The following HNRNPC variants were observed in gnomAD, a reference collection of about 807,000 sequenced individuals.
HNRNPC encodes heterogeneous nuclear ribonucleoprotein C.
HNRNPC carries 3 observed loss-of-function variants against 33.2 expected under a neutral mutation model. The observed-to-expected ratio is 0.09, with a 90% confidence interval of 0.04 to 0.23. HNRNPC has a LOEUF of 0.23. HNRNPC is among the 10% of genes least tolerant of loss of function. HNRNPC has a pLI of 1.00. For missense variants in HNRNPC, 143 were observed against 366.7 expected, an observed-to-expected ratio of 0.39 and a Z score of 4.98; for synonymous variants, 121 against 126.7, an observed-to-expected ratio of 0.96 and a Z score of 0.30.
intron 3 of HNRNPC, among the ~76,000 whole-genome samples, chr14:21,232,017 G>T (rs773927119): frequency 2.0e-5 from 3 of 152,018 alleles, no homozygotes; most frequent in Non-Finnish European, 4.4e-5. Context: ...CTGGGTTAAC[G>T]ACTGCTTTCT....
intron 2 of HNRNPC, among the ~76,000 whole-genome samples, chr14:21,249,926 AC>A: frequency 6.6e-6 from 1 of 152,260 alleles, no homozygotes; most frequent in East Asian, 1.9e-4. Flanking sequence ...TTTCAAAATG[AC>A]TTCAGTAAGG....
At chr14:21,212,839 C>T in intron 6 of HNRNPC, 121 bp downstream of exon 6, 1 of 1,289,250 alleles carries the variant, frequency 7.8e-7, no homozygotes, top group Non-Finnish European at 1.1e-6. Flanking sequence ...CACCACACAC[C>T]CAGCCTCTTC....
chr14:21,259,006 T>C (rs1452868315), intron 2 of HNRNPC, among the ~76,000 whole-genome samples: 2 of 152,194 alleles, frequency 1.3e-5, no homozygotes, highest in African/African-American at 2.4e-5. Context: ...AATCCTTCAA[T>C]AGATTCTACT....
chr14:21,257,564 A>G (rs570066792), intron 2 of HNRNPC, among the ~76,000 whole-genome samples: 66 of 152,138 alleles, frequency 4.3e-4, no homozygotes, highest in Non-Finnish European at 8.5e-4. Flanking sequence ...AGTCTTAGAA[A>G]AAAAAAAAAG....
At chr14:21,225,818 C>T (rs1893355668) in intron 5 of HNRNPC, among the ~76,000 whole-genome samples, 1 of 152,126 alleles carries the variant, frequency 6.6e-6, no homozygotes, top group African/African-American at 2.4e-5. Context: ...TCTGCAATAT[C>T]ACCATTATCT....
chr14:21,225,412 A>G (rs1347225104), intron 5 of HNRNPC, among the ~76,000 whole-genome samples: 1 of 151,678 alleles, frequency 6.6e-6, no homozygotes, highest in East Asian at 1.9e-4. Flanking sequence ...AGCCTGGGCA[A>G]TAGAGCAAGA....
rs71112560 is a variant in HNRNPC, at chr14:21,245,084, CAAAAAA to C, written c.-36-10861_-36-10856del. Among the ~76,000 whole-genome samples, 452 of 54,592 alleles carry C rather than the reference CAAAAAA, an allele frequency of 8.3e-3. 2 individuals carry two copies. Among genetic ancestry groups the C allele is most frequent in the African/African-American group, 8.0e-3 (124 of 15,534 alleles). The allele number at this position is 54,592 out of a possible 152,430, so 35.8% of individuals were successfully genotyped here. A position where few individuals can be genotyped will look rare whatever the true frequency, so the allele number is the denominator to read the frequency against. On this transcript the variant is annotated intron_variant, in intron 2 of 8. Transcript: ENST00000553300. ...TGGGAGACAGAGCGAGACTCCATCT[CAAAAAA>C]AAAAAAAAAAAAAAAAGCAAAAGAG...
chr14:21,220,480 C>T (rs569616410), intron 5 of HNRNPC, among the ~76,000 whole-genome samples: 37 of 152,280 alleles, frequency 2.4e-4, no homozygotes, highest in African/African-American at 8.4e-4. Context: ...CCGCTCGCCT[C>T]GGCCTCCCAA....
chr14:21,259,270 T>G (rs529903173), intron 2 of HNRNPC, among the ~76,000 whole-genome samples: 32 of 152,076 alleles, frequency 2.1e-4, no homozygotes, highest in Non-Finnish European at 4.3e-4. Flanking sequence ...ATCCCCCAAA[T>G]TCCATGTTCT....
chr14:21,248,254 C>T (rs775407027), intron 2 of HNRNPC, among the ~76,000 whole-genome samples: 5 of 152,106 alleles, frequency 3.3e-5, no homozygotes, highest in African/African-American at 4.8e-5. Flanking sequence ...CCATGTTGCC[C>T]AAACTGCTCT....
chr14:21,248,738 C>T (rs745744841), intron 2 of HNRNPC, among the ~76,000 whole-genome samples: 1 of 152,228 alleles, frequency 6.6e-6, no homozygotes, highest in Admixed American at 6.5e-5. Context: ...ACAGTGTCTA[C>T]TGCAAGCAAT....
intron 5 of HNRNPC, among the ~76,000 whole-genome samples, chr14:21,230,084 ATT>A (rs1020833022): frequency 6.6e-6 from 1 of 152,144 alleles, no homozygotes; most frequent in African/African-American, 2.4e-5. Flanking sequence ...ATTTTTTTGT[ATT>A]TTTAGTAGAA....
chr14:21,248,171 T>C (rs1438276132), intron 2 of HNRNPC, among the ~76,000 whole-genome samples: 1 of 152,056 alleles, frequency 6.6e-6, no homozygotes, highest in Non-Finnish European at 1.5e-5. Context: ...AGCAAGACCT[T>C]ATCTCCACCA....
At chr14:21,244,442 G>A (rs1895719645) in intron 2 of HNRNPC, among the ~76,000 whole-genome samples, 1 of 152,076 alleles carries the variant, frequency 6.6e-6, no homozygotes, top group Admixed American at 6.6e-5. Flanking sequence ...TTCCCCCGAG[G>A]TCCCTCAAAA....
At chr14:21,235,770 A>C (rs1195377506) in intron 2 of HNRNPC, among the ~76,000 whole-genome samples, 4 of 152,188 alleles carry the variant, frequency 2.6e-5, no homozygotes, top group South Asian at 2.1e-4. Flanking sequence ...CCATTATTAC[A>C]AGTGGAGGTA....
chr14:21,239,871 C>A (rs772004543), intron 2 of HNRNPC, among the ~76,000 whole-genome samples: 2 of 152,032 alleles, frequency 1.3e-5, no homozygotes, highest in Non-Finnish European at 2.9e-5. Context: ...GAGACTGGGT[C>A]TCAAGAGAGA....
At chr14:21,231,997 G>A (rs768169329) in intron 3 of HNRNPC, among the ~76,000 whole-genome samples, 6 of 152,140 alleles carry the variant, frequency 3.9e-5, no homozygotes, top group Non-Finnish European at 7.3e-5. Context: ...TGTTCTACAC[G>A]TAAAATATCC....
intron 2 of HNRNPC, among the ~76,000 whole-genome samples, chr14:21,241,517 A>C (rs558144936): frequency 3.9e-4 from 59 of 152,130 alleles, no homozygotes; most frequent in Non-Finnish European, 7.2e-4. Context: ...TACTCTTTGG[A>C]TACTATAAAT....
At chr14:21,218,955 C>T (rs1448607916) in intron 5 of HNRNPC, among the ~76,000 whole-genome samples, 2 of 149,650 alleles carry the variant, frequency 1.3e-5, no homozygotes, top group Admixed American at 6.6e-5. Context: ...ACTAAAAATA[C>T]AAATATTAGC....
Sources: gnomAD v4.1 joint callset for allele counts (sites outside exome capture counted in the v4.1 genomes callset) on GRCh38, gnomAD v4.1.1 for gene constraint, MANE v1.5 for transcripts, NCBI Gene and HGNC (gene_info 2026-07-23, HGNC 2026-07-21) for gene names.